Variants in PON2 observed in about 807,000 individuals in gnomAD.
The protein encoded by PON2 is serum paraoxonase/arylesterase 2.
In PON2, 27 loss-of-function variants were observed where a neutral mutation model predicts 36.6. That is an observed-to-expected ratio of 0.74 (90% confidence interval 0.54 to 1.02). The LOEUF is 1.02. Among genes scored for constraint, PON2 ranks in the 50% least tolerant of loss-of-function variants. The pLI, the probability that PON2 is intolerant of heterozygous loss-of-function variation, is 0.00. For synonymous variants in PON2, 149 were observed against 156.3 expected (o/e 0.95, Z 0.35); for missense variants, 363 against 421.1 (o/e 0.86, Z 1.21).
chr7:95,416,056 G>T, intron 3 of PON2, 186 bp downstream of exon 3: 1 of 1,044,190 alleles, frequency 9.6e-7, no homozygotes, highest in Non-Finnish European at 1.4e-6. Flanking sequence ...TATCTCAATG[G>T]GCAAAGAGTC....
chr7:95,408,555 G>C (rs1425823577), intron 6 of PON2, among the ~76,000 whole-genome samples: 4 of 152,212 alleles, frequency 2.6e-5, no homozygotes, highest in African/African-American at 7.2e-5. Context: ...GTGAAAAACA[G>C]ATTTGGCTGC....
At position 95,420,553 on chromosome 7, in the gene PON2, A is replaced by C. The variant is rs17876108; in HGVS notation, c.145+3962T>G. On this transcript the variant is annotated intron_variant, in intron 2 of 8. Coordinates refer to ENST00000222572, the MANE Select transcript of PON2 (RefSeq NM_000305.3). The stretch of plus-strand genomic sequence containing the variant: ...ACATCCTGTATGATATGTAGTCAAT[A>C]ACTATGATTTATTAAAGCAGACACA... Among the ~76,000 whole-genome samples the C allele has an allele frequency of 4.3e-3, 651 of 152,346 alleles. 7 individuals are homozygous for C. The highest frequency in any genetic ancestry group is 0.015 in the African/African-American group (608 of 41,586).
chr7:95,411,086 C>T (rs1395939143), intron 5 of PON2, among the ~76,000 whole-genome samples: 3 of 152,074 alleles, frequency 2.0e-5, no homozygotes, highest in Non-Finnish European at 4.4e-5. Context: ...GGTGGGGGTA[C>T]ACATGATTCT....
intron 4 of PON2, 65 bp downstream of exon 4, chr7:95,412,247 T>C: frequency 2.5e-6 from 4 of 1,572,994 alleles, no homozygotes; most frequent in South Asian, 1.1e-5. Flanking sequence ...GATCCAAATC[T>C]ATTTTTCACA....
Position 95,409,956 on chromosome 7 carries a change from CT to C in PON2, c.639del (p.Val214TrpfsTer2), listed in dbSNP as rs1788880874. The C allele has an allele frequency of 6.2e-7, 1 of 1,613,938 alleles. No homozygotes were observed. Among genetic ancestry groups the C allele is most frequent in the African/African-American group, 1.3e-5 (1 of 75,030 alleles). On this transcript the variant is annotated frameshift_variant, in exon 6 of 9. Transcript: ENST00000222572. LOFTEE classifies it high-confidence loss of function. ...GCTGAATCAAATCCTTCTGCTACCA[CT>C]TTAACTTCATTTGGACTGTAGTAAA... ...NVVYYSPNEV[K>X]VVAEGFDSAN...
At chr7:95,410,453 G>C (rs960835647) in intron 5 of PON2, among the ~76,000 whole-genome samples, 1 of 152,206 alleles carries the variant, frequency 6.6e-6, no homozygotes, top group African/African-American at 2.4e-5. Context: ...GAGCTGGAGA[G>C]AGCCTGATTG....
At position 95,405,586 on chromosome 7, in the gene PON2, G is replaced by C; in HGVS notation, c.907-98C>G. On this transcript the variant is annotated intron_variant, in intron 8 of 8. Transcript: ENST00000222572. ...TTTTCCACAATGACACACTGATTAA[G>C]GGGACATGCTGTTGAAAATAGCAGT... is the stretch of plus-strand genomic sequence containing the variant. The C allele has an allele frequency of 4.2e-6, 5 of 1,183,582 alleles. No homozygotes were observed. In the South Asian group the frequency reaches 6.2e-5, roughly 15 times the overall value. The allele number at this position is 1,183,582 out of a possible 1,614,324, so 73.3% of individuals were successfully genotyped here.
chr7:95,411,893 A>C, intron 4 of PON2, 114 bp from the exon 5 acceptor site: 4 of 1,078,892 alleles, frequency 3.7e-6, no homozygotes, highest in Non-Finnish European at 5.6e-6. Flanking sequence ...AAGCTGTTAG[A>C]CGACCTAACA....
intron 3 of PON2, among the ~76,000 whole-genome samples, chr7:95,414,917 T>C (rs1789025526): frequency 6.6e-6 from 1 of 152,212 alleles, no homozygotes. Flanking sequence ...CTTTATTGCC[T>C]CAGTGGTAAT....
chr7:95,424,429 T>A, intron 2 of PON2, 86 bp downstream of exon 2: 1 of 1,115,682 alleles, frequency 9.0e-7, no homozygotes. Flanking sequence ...AAAGCAGTAA[T>A]TTCATGCTAA....
intron 2 of PON2, among the ~76,000 whole-genome samples, chr7:95,419,163 G>A (rs1789137020): frequency 6.6e-6 from 1 of 152,126 alleles, no homozygotes; most frequent in Non-Finnish European, 1.5e-5. Flanking sequence ...GTTTAATTCA[G>A]AGTCCAGGTA....
chr7:95,413,840 T>C (rs12669182), intron 3 of PON2, among the ~76,000 whole-genome samples: 29,030 of 152,166 alleles, frequency 0.19, 3,863 homozygotes, highest in East Asian at 0.63. Flanking sequence ...TATATTTTCA[T>C]GGAGGGCAAG....
chr7:95,427,903 A>G (rs1373860080), intron 1 of PON2, among the ~76,000 whole-genome samples: 2 of 152,246 alleles, frequency 1.3e-5, no homozygotes, highest in African/African-American at 4.8e-5. Flanking sequence ...ATTCATGTAA[A>G]AAATACAACA....
chr7:95,405,515 A>T (rs1172811225), intron 8 of PON2, 27 bp from the exon 9 acceptor site: 1 of 1,597,278 alleles, frequency 6.3e-7, no homozygotes, highest in Admixed American at 1.7e-5. Context: ...AAGTATGAAT[A>T]TAAGACCACC....
intron 2 of PON2, among the ~76,000 whole-genome samples, chr7:95,416,822 TCTTTAAATTTAGG>T: frequency 6.6e-6 from 1 of 152,324 alleles, no homozygotes; most frequent in East Asian, 1.9e-4. Flanking sequence ...TTCTATTTAA[TCTTTAAATTTAGG>T]CTTTAAATTA....
At chr7:95,425,574 T>C (rs1789297085) in intron 1 of PON2, among the ~76,000 whole-genome samples, 1 of 152,188 alleles carries the variant, frequency 6.6e-6, no homozygotes, top group Non-Finnish European at 1.5e-5. Context: ...ATACCATACA[T>C]TTAAGAGACG....
At chr7:95,431,530 C>T (rs1362917369) in intron 1 of PON2, among the ~76,000 whole-genome samples, 1 of 151,944 alleles carries the variant, frequency 6.6e-6, no homozygotes, top group Middle Eastern at 3.2e-3. Flanking sequence ...AGCAATTCTC[C>T]TGACTCAGCC....
intron 6 of PON2, among the ~76,000 whole-genome samples, chr7:95,407,609 C>T (rs1809736527): frequency 6.6e-6 from 1 of 152,096 alleles, no homozygotes; most frequent in African/African-American, 2.4e-5. Context: ...TAATTTTACT[C>T]ATTGAATTGA....
intron 2 of PON2, among the ~76,000 whole-genome samples, chr7:95,417,209 T>C (rs1038089712): frequency 2.6e-5 from 4 of 152,210 alleles, no homozygotes; most frequent in Admixed American, 2.6e-4. Context: ...AGCATCTATC[T>C]ATCCAGCCAT....
Sources: gnomAD v4.1 joint callset for allele counts (sites outside exome capture counted in the v4.1 genomes callset) on GRCh38, gnomAD v4.1.1 for gene constraint, MANE v1.5 for transcripts, NCBI Gene and HGNC (gene_info 2026-07-23, HGNC 2026-07-21) for gene names.